Variants in PRSS16 observed in about 807,000 individuals in gnomAD.
PRSS16 encodes serine protease 16.
Under a neutral mutation model 61.7 loss-of-function variants are expected in PRSS16, and 43 were observed. The observed-to-expected ratio is 0.70, with a 90% CI of 0.55 to 0.90. The LOEUF (loss-of-function observed/expected upper bound fraction) is 0.90, where lower values mean the gene tolerates loss of function less well. Ranked by LOEUF, PRSS16 falls within the 40% of genes least tolerant of loss-of-function variation. The pLI is 0.00. For synonymous variants in PRSS16, 273 were observed against 285.2 expected, an observed-to-expected ratio of 0.96 and a Z score of 0.43; for missense variants, 591 against 659.1, an observed-to-expected ratio of 0.90 and a Z score of 1.13.
chr6:27,250,440 G>A (rs1759851251), intron 4 of PRSS16, among the ~76,000 whole-genome samples: 1 of 152,232 alleles, frequency 6.6e-6, no homozygotes, highest in Non-Finnish European at 1.5e-5. Flanking sequence ...AAAACGAGAA[G>A]GGAAAGAGGG....
rs766305635 is a variant in PRSS16 at position 27,250,683 on chromosome 6, G to A, written c.468G>A (p.Ala156=). The A allele has an allele frequency of 4.4e-6, 7 of 1,608,266 alleles. No homozygotes were observed. The South Asian group carries it at 7.8e-5, about 18-fold the overall frequency. ...GACCGAGTCCCCCCTTTGACCCTAG[G>A]CTGGCTGATGTGGTCTCTGCCCGCC... is the stretch of plus-strand genomic sequence containing the variant. ...AQLRFLSSRL[A]LADVVSARLA... is the part of the protein sequence containing the mutation. Residue 156 remains alanine (A), a splice_region_variant and synonymous_variant, in exon 5 of 12, where the codon GCG becomes GCA. Transcript: ENST00000230582.
At chr6:27,250,411 A>C (rs1001431196) in intron 4 of PRSS16, among the ~76,000 whole-genome samples, 20 of 152,160 alleles carry the variant, frequency 1.3e-4, no homozygotes, top group African/African-American at 4.6e-4. Flanking sequence ...CTGACTTGGA[A>C]ATTTTTCCTC....
chr6:27,251,287 AG>A lies in PRSS16; in HGVS notation c.717+28del. 1 of 1,587,886 alleles carries A rather than the reference AG, an allele frequency of 6.3e-7. No homozygotes were observed. The highest frequency in any genetic ancestry group is 1.3e-5 in the African/African-American group (1 of 74,450). On this transcript the variant is annotated intron_variant, in intron 7 of 11. Transcript: ENST00000230582. The surrounding 1 kb of genome is among the most constrained non-coding windows in gnomAD (Gnocchi z 5.6). ...GAGGTAGGAGGTGGGGCCTAGTCCG[AG>A]GGGGACTGGGAGGGAAAAGAGGCCT...
In PRSS16 at chr6:27,247,919, G is replaced by A. The variant is rs1217412031; in HGVS notation, c.108G>A (p.Gln36=). Residue 36 remains glutamine, a synonymous_variant, in exon 2 of 12, where the codon CAG becomes CAA. Coordinates refer to ENST00000230582, the MANE Select transcript of PRSS16 (RefSeq NM_005865.4). ...LLRRLGEHIQ[Q]FQESSAQGLG... ...GGCGCCTGGGTGAGCACATTCAGCAGTTTCAGGAGAGCTCTGCCCAGGGCC... is the reference window on the plus strand; with the variant it reads ...GGCGCCTGGGTGAGCACATTCAGCAATTTCAGGAGAGCTCTGCCCAGGGCC... 6.2e-7 allele frequency: 1 copy of A among 1,603,206 alleles called. No individual in the cohort carries two copies. Among genetic ancestry groups the A allele is most frequent in the Non-Finnish European group, 8.5e-7 (1 of 1,175,374 alleles).
intron 4 of PRSS16, among the ~76,000 whole-genome samples, chr6:27,249,792 T>C (rs935717504): frequency 7.9e-5 from 12 of 152,302 alleles, no homozygotes; most frequent in Non-Finnish European, 1.8e-4. Flanking sequence ...TCCAGCTACA[T>C]TGAAGTCCTC....
chr6:27,250,127 G>A lies in PRSS16; in HGVS notation c.468-556G>A, dbSNP rs146244894. ...TCTTTGTCTCCATCTCTGTCTCTCT[G>A]CATCTTAATCTTTTCTACAAGCGAA... On this transcript the variant is annotated intron_variant, in intron 4 of 11. Coordinates refer to ENST00000230582, the MANE Select transcript of PRSS16 (RefSeq NM_005865.4). 1.2e-3 allele frequency among the ~76,000 whole-genome samples: 176 copies of A among 152,160 alleles called. 6 individuals carry two copies. The South Asian group carries it at 0.033, about 29-fold the overall frequency.
At position 27,253,575 on chromosome 6, in the gene PRSS16, G is replaced by C. The variant is rs1470095459; in HGVS notation, c.1150+626G>C. Reference sequence around the variant, plus strand: ...AGTGTTGCCAGATACAATACAGGATGCCCAGTTAAATTTGAATTTCAGATA... The same window carrying C: ...AGTGTTGCCAGATACAATACAGGATCCCCAGTTAAATTTGAATTTCAGATA... On this transcript the variant is annotated intron_variant, in intron 9 of 11. Transcript: ENST00000230582. The C allele has an allele frequency of 8.2e-6, 3 of 367,524 alleles. No individual in the cohort carries two copies. The East Asian group carries it at 2.4e-4, about 29-fold the overall frequency. 22.8% of individuals were successfully genotyped at this position (367,524 alleles called of 1,614,324 possible).
rs1216330189 is a variant in PRSS16 at position 27,252,716 on chromosome 6, A to C, written c.1009-92A>C. ...TCAGGAACTCACCCTTCTATTTCTG[A>C]CTTTTGACCTCTGGGGACATAGGCC... On this transcript the variant is annotated intron_variant, in intron 8 of 11. Transcript: ENST00000230582. This position sits in a 1 kb window ranked among gnomAD's most constrained non-coding sequence, Gnocchi z 4.2. 1 of 1,430,848 alleles carries C rather than the reference A, an allele frequency of 7.0e-7. No individual in the cohort carries two copies. The highest frequency in any genetic ancestry group is 9.6e-7 in the Non-Finnish European group (1 of 1,036,292). 88.6% of individuals were successfully genotyped at this position (1,430,848 alleles called of 1,614,324 possible). A position where few individuals can be genotyped will look rare whatever the true frequency, so the allele number is the denominator to read the frequency against.
In PRSS16 at chr6:27,251,352, C is replaced by CT; in HGVS notation, c.717+89dup. 2.1e-6 allele frequency: 3 copies of CT among 1,462,174 alleles called. No individual in the cohort carries two copies. Among genetic ancestry groups the CT allele is most frequent in the Non-Finnish European group, 2.7e-6 (3 of 1,094,556 alleles). The allele number at this position is 1,462,174 out of a possible 1,614,324, so 90.6% of individuals were successfully genotyped here. On this transcript the variant is annotated intron_variant, in intron 7 of 11. Transcript: ENST00000230582. This position sits in a 1 kb window ranked among gnomAD's most constrained non-coding sequence, Gnocchi z 5.6. ...AGAGGAGGCCAGAGAAGGGCGAAAC[C>CT]TGCAACGTGGCGGGGTCTAAGGAAG...
intron 9 of PRSS16, chr6:27,254,310 G>A: frequency 5.7e-6 from 1 of 176,928 alleles, no homozygotes; most frequent in Non-Finnish European, 1.2e-5. Context: ...TTTTAAGCAG[G>A]GCAGACATAA....
Position 27,247,939 on chromosome 6 carries a change from A to C in PRSS16, c.128A>C (p.Gln43Pro). Reference protein sequence around the residue: ...HIQQFQESSAQGLGLSLGPGA... With the variant: ...HIQQFQESSAPGLGLSLGPGA... ...CAGCAGTTTCAGGAGAGCTCTGCCC[A>C]GGGCCTGGGCCTGAGCCTGGGGCCA... Residue 43 changes from glutamine to proline, a missense_variant, in exon 2 of 12, where the codon CAG (glutamine) becomes CCG (proline). Gln to Pro is a moderately conservative substitution (Grantham distance 76). Transcript: ENST00000230582. The C allele has an allele frequency of 1.2e-6, 2 of 1,604,648 alleles. No individual in the cohort carries two copies. Among genetic ancestry groups the C allele is most frequent in the Non-Finnish European group, 1.7e-6 (2 of 1,175,924 alleles).
At chr6:27,254,928 T>C (rs1183632850) in intron 10 of PRSS16, 56 bp downstream of exon 10, 61 of 1,611,612 alleles carry the variant, frequency 3.8e-5, no homozygotes, top group Non-Finnish European at 5.2e-5. Context: ...CAGCTCAACA[T>C]AGCCTCATCC....
chr6:27,255,024 G>T lies in PRSS16; in HGVS notation c.1369G>T (p.Ala457Ser), dbSNP rs371863087. The T allele has an allele frequency of 1.2e-4, 189 of 1,613,680 alleles. 2 individuals are homozygous for T. In the Middle Eastern group the frequency reaches 4.3e-3, roughly 37 times the overall value. Reference sequence around the variant, plus strand: ...CTGGCATGTGCTAAGTGTAACACAGGCTTTAGGATCCTCAGAATCAACTCT... The same window carrying T: ...CTGGCATGTGCTAAGTGTAACACAGTCTTTAGGATCCTCAGAATCAACTCT... Reference protein sequence around the residue: ...DPWHVLSVTQALGSSESTLLI... With the variant: ...DPWHVLSVTQSLGSSESTLLI... The change falls in exon 11 of 12, where the codon GCT becomes TCT. Residue 457 changes from alanine to serine, a missense_variant. Ala to Ser is a moderately conservative substitution (Grantham distance 99, BLOSUM62 1). Coordinates refer to ENST00000230582, the MANE Select transcript of PRSS16 (RefSeq NM_005865.4). This position sits in a 1 kb window ranked among gnomAD's most constrained non-coding sequence, Gnocchi z 4.4.
At chr6:27,253,051 T>G in intron 9 of PRSS16, 102 bp downstream of exon 9, 1 of 1,459,462 alleles carries the variant, frequency 6.9e-7, no homozygotes, top group South Asian at 1.2e-5. Context: ...TCGACCCAGC[T>G]CTCAGGCACT....
chr6:27,251,589 G>C lies in PRSS16; in HGVS notation c.718-161G>C, dbSNP rs1455211589. 1.1e-6 allele frequency: 1 copy of C among 944,490 alleles called. No individual in the cohort carries two copies. Among genetic ancestry groups the C allele is most frequent in the Non-Finnish European group, 1.5e-6 (1 of 658,242 alleles). 58.5% of individuals were successfully genotyped at this position (944,490 alleles called of 1,614,324 possible). A position where few individuals can be genotyped will look rare whatever the true frequency, so the allele number is the denominator to read the frequency against. On this transcript the variant is annotated intron_variant, in intron 7 of 11. Transcript: ENST00000230582. This position sits in a 1 kb window ranked among gnomAD's most constrained non-coding sequence, Gnocchi z 5.6. ...GGAGGGCTGCGAGGCAGGGGATTGG[G>C]GGCGGGGGCCTGGGGGCGGGGGCCT...
chr6:27,255,381 A>T lies in PRSS16; in HGVS notation c.*66A>T. ...CTGGACATACTTGTTCACTGAACAA[A>T]AGAAAGCAGCTTGTTTTGAAAGAAG... On this transcript the variant is annotated 3_prime_UTR_variant, in exon 12 of 12. Coordinates refer to ENST00000230582, the MANE Select transcript of PRSS16 (RefSeq NM_005865.4). The surrounding 1 kb of genome is among the most constrained non-coding windows in gnomAD (Gnocchi z 4.4). 1 of 1,452,344 alleles carries T rather than the reference A, an allele frequency of 6.9e-7. No homozygotes were observed. The highest frequency in any genetic ancestry group is 9.4e-7 in the Non-Finnish European group (1 of 1,065,220). The allele number at this position is 1,452,344 out of a possible 1,614,324, so 90.0% of individuals were successfully genotyped here.
Position 27,255,126 on chromosome 6 carries a change from C to T in PRSS16, c.1471C>T (p.Arg491Cys), listed in dbSNP as rs138897744. 45 of 1,614,128 alleles carry T rather than the reference C, an allele frequency of 2.8e-5. No individual in the cohort carries two copies. Among genetic ancestry groups the T allele is most frequent in the African/African-American group, 1.2e-4 (9 of 75,040 alleles). ...PSDSPSLRLG[R>C]QNIFQQLQTW... is the part of the protein sequence containing the mutation. ...AGACTCCCCCAGCCTCCGCCTAGGG[C>T]GCCAGGTAAGAGAAAAAAGGCTCTG... The change falls in exon 11 of 12, where the codon CGC (arginine) becomes TGC (cysteine). Residue 491 changes from arginine to cysteine, a missense_variant. Physicochemically the swap from Arg to Cys is radical, Grantham distance 180 (BLOSUM62 -3). Transcript: ENST00000230582. This position sits in a 1 kb window ranked among gnomAD's most constrained non-coding sequence, Gnocchi z 4.4.
Position 27,254,878 on chromosome 6 carries a change from C to T in PRSS16, c.1330+6C>T. The T allele has an allele frequency of 6.2e-7, 1 of 1,613,580 alleles. No homozygotes were observed. Among genetic ancestry groups the T allele is most frequent in the African/African-American group, 1.3e-5 (1 of 75,032 alleles). ...CAAAGTGCTGTTTGTTAATGGTGAG[C>T]ATGCTATCAAAACCTGGCTGCTAAG... On this transcript the variant is annotated splice_donor_region_variant and intron_variant, in intron 10 of 11. Coordinates refer to ENST00000230582, the MANE Select transcript of PRSS16 (RefSeq NM_005865.4).
Position 27,247,761 on chromosome 6 carries a change from G to A in PRSS16, c.24G>A (p.Trp8Ter). MAVWLAQ[W>*]LGPLLLVSLW... ...CCATGGCCGTCTGGCTTGCCCAGTGGCTGGGCCCTCTGCTCTTGGTTTCCC... is the reference window on the plus strand; with the variant it reads ...CCATGGCCGTCTGGCTTGCCCAGTGACTGGGCCCTCTGCTCTTGGTTTCCC... The change falls in exon 1 of 12, where the codon TGG (tryptophan) becomes TGA (stop). Residue 8 changes from tryptophan (W) to a stop codon, truncating the protein, a stop_gained. Transcript: ENST00000230582. LOFTEE classifies it high-confidence loss of function. 2.5e-6 allele frequency: 4 copies of A among 1,587,904 alleles called. No individual in the cohort carries two copies. The highest frequency in any genetic ancestry group is 3.4e-6 in the Non-Finnish European group (4 of 1,167,456).
Sources: gnomAD v4.1 joint callset for allele counts (sites outside exome capture counted in the v4.1 genomes callset) on GRCh38, gnomAD v4.1.1 for gene constraint, Gnocchi (gnomAD v3.1) non-coding constraint, MANE v1.5 for transcripts, NCBI Gene and HGNC (gene_info 2026-07-23, HGNC 2026-07-21) for gene names.